IL20RA: variants seen among roughly 807,000 people sequenced by gnomAD.
The protein encoded by IL20RA is interleukin 20 receptor subunit alpha.
Under a neutral mutation model 36.5 loss-of-function variants are expected in IL20RA, and 29 were observed. That is an observed-to-expected ratio of 0.79 (90% CI 0.59 to 1.08). The LOEUF (loss-of-function observed/expected upper bound fraction) is 1.08. IL20RA is among the 50% of genes least tolerant of loss of function. IL20RA has a pLI of 0.00. For synonymous variants in IL20RA, 279 were observed against 267.1 expected (o/e 1.04, Z -0.43); for missense variants, 652 against 668.4 (o/e 0.98, Z 0.27).
intron 2 of IL20RA, among the ~76,000 whole-genome samples, chr6:137,012,944 GT>G (rs922145456): frequency 6.6e-6 from 1 of 151,966 alleles, no homozygotes; most frequent in African/African-American, 2.4e-5. Flanking sequence ...CTCCATCCAA[GT>G]GATCACTGTT....
At position 137,030,089 on chromosome 6, in the gene IL20RA, T is replaced by TTTTTTTC. The variant is rs1433163514; in HGVS notation, c.89-12987_89-12986insGAAAAAA. On this transcript the variant is annotated intron_variant, in intron 1 of 6. Transcript: ENST00000316649. The stretch of plus-strand genomic sequence containing the variant: ...TTGCGGGTTTTTTTTTTTTTTTTTT[T>TTTTTTTC]TTTTTTTTTGAGACAGGGTCTGACT... Among the ~76,000 whole-genome samples, 4 of 125,934 alleles carry TTTTTTTC rather than the reference T, an allele frequency of 3.2e-5. No homozygotes were observed. The East Asian group carries it at 7.0e-4, about 22-fold the overall frequency. 82.6% of individuals were successfully genotyped at this position (125,934 alleles called of 152,430 possible).
intron 1 of IL20RA, among the ~76,000 whole-genome samples, chr6:137,043,921 T>A (rs1045553103): frequency 6.6e-6 from 1 of 152,188 alleles, no homozygotes; most frequent in Non-Finnish European, 1.5e-5. Context: ...TGGATTCCAA[T>A]TGGTAGAGAA....
intron 5 of IL20RA, among the ~76,000 whole-genome samples, chr6:137,007,933 T>C (rs1206850884): frequency 6.6e-6 from 1 of 152,226 alleles, no homozygotes; most frequent in Non-Finnish European, 1.5e-5. Flanking sequence ...CTGATGTTCT[T>C]GAAGACCACA....
rs531501235 is a variant in IL20RA at position 137,004,159 on chromosome 6, C to CGTGTTTTTTTTTTT, written c.864+461_864+462insAAAAAAAAAAACAC. Among the ~76,000 whole-genome samples the CGTGTTTTTTTTTTT allele has an allele frequency of 3.4e-4, 30 of 88,010 alleles. 1 individual carries two copies. The highest frequency in any genetic ancestry group is 1.5e-3 in the African/African-American group (27 of 18,040). The allele number at this position is 88,010 out of a possible 152,430, so 57.7% of individuals were successfully genotyped here. On this transcript the variant is annotated intron_variant, in intron 6 of 6. Transcript: ENST00000316649. ...TCTGTTAGTCAGCTAATCCAGAAAG[C>CGTGTTTTTTTTTTT]TTTTTTTTTTTTTTTTTTTTTTTTT...
intron 6 of IL20RA, among the ~76,000 whole-genome samples, chr6:137,002,571 T>A (rs1775118153): frequency 6.6e-6 from 1 of 152,198 alleles, no homozygotes; most frequent in Non-Finnish European, 1.5e-5. Flanking sequence ...GAGAAGTGAT[T>A]CGCTGGGTGG....
intron 1 of IL20RA, among the ~76,000 whole-genome samples, chr6:137,024,175 G>A (rs1331175814): frequency 2.6e-5 from 4 of 152,096 alleles, no homozygotes; most frequent in South Asian, 2.1e-4. Flanking sequence ...AAAGAAATAC[G>A]ATTTGATAAC....
rs531501235 is a variant in IL20RA at position 137,004,159 on chromosome 6, C to CGTTTTTTTTTTTTTTTTTT, written c.864+461_864+462insAAAAAAAAAAAAAAAAAAC. On this transcript the variant is annotated intron_variant, in intron 6 of 6. Coordinates refer to ENST00000316649, the MANE Select transcript of IL20RA (RefSeq NM_014432.4). ...TCTGTTAGTCAGCTAATCCAGAAAGCTTTTTTTTTTTTTTTTTTTTTTTTT... is the reference window on the plus strand; with the variant it reads ...TCTGTTAGTCAGCTAATCCAGAAAGCGTTTTTTTTTTTTTTTTTTTTTTTTTTTTTTTTTTTTTTTTTTT... Among the ~76,000 whole-genome samples the CGTTTTTTTTTTTTTTTTTT allele has an allele frequency of 1.6e-4, 14 of 88,016 alleles. 6 individuals carry two copies. The highest frequency in any genetic ancestry group is 3.9e-4 in the Admixed American group (3 of 7,676). 57.7% of individuals were successfully genotyped at this position (88,016 alleles called of 152,430 possible). A position where few individuals can be genotyped will look rare whatever the true frequency, so the allele number is the denominator to read the frequency against.
intron 1 of IL20RA, among the ~76,000 whole-genome samples, chr6:137,023,433 G>C (rs904397285): frequency 2.0e-5 from 3 of 152,242 alleles, no homozygotes; most frequent in Admixed American, 2.0e-4. Context: ...GATTATATTT[G>C]AAATTCATGG....
intron 3 of IL20RA, among the ~76,000 whole-genome samples, 154 bp downstream of exon 3, chr6:137,011,120 G>C (rs1010087175): frequency 6.6e-6 from 1 of 152,108 alleles, no homozygotes; most frequent in African/African-American, 2.4e-5. Flanking sequence ...GAGCCAGCAA[G>C]GTTAAGGACT....
rs1465896750 is a variant in IL20RA at position 137,011,265 on chromosome 6, ATTAC to A, written c.403+5_403+8del. The A allele has an allele frequency of 2.5e-6, 4 of 1,597,780 alleles. No individual in the cohort carries two copies. Among genetic ancestry groups the A allele is most frequent in the South Asian group, 1.1e-5 (1 of 89,616 alleles). ...TTTAACTGACCATTGCAATAATGGCATTACTTACTTTCTAAAAAAGGATAGAACC... is the reference window on the plus strand; with the variant it reads ...TTTAACTGACCATTGCAATAATGGCATTACTTTCTAAAAAAGGATAGAACC... On this transcript the variant is annotated splice_donor_5th_base_variant and intron_variant, in intron 3 of 6. Transcript: ENST00000316649.
chr6:137,029,862 C>T (rs1776210878), intron 1 of IL20RA, among the ~76,000 whole-genome samples: 1 of 151,728 alleles, frequency 6.6e-6, no homozygotes, highest in African/African-American at 2.4e-5. Context: ...GCAATTCTTC[C>T]ACTAATATCT....
At position 137,044,787 on chromosome 6, in the gene IL20RA, T is replaced by A; in HGVS notation, c.-59A>T. On this transcript the variant is annotated 5_prime_UTR_variant, in exon 1 of 7. Coordinates refer to ENST00000316649, the MANE Select transcript of IL20RA (RefSeq NM_014432.4). Reference sequence around the variant, plus strand: ...GCAGACTGCTCAGTCCCACGCCCGCTGGGGCCAAGCGCGGCCGCGCGGCCT... The same window carrying A: ...GCAGACTGCTCAGTCCCACGCCCGCAGGGGCCAAGCGCGGCCGCGCGGCCT... 1 of 1,203,236 alleles carries A rather than the reference T, an allele frequency of 8.3e-7. No homozygotes were observed. The highest frequency in any genetic ancestry group is 3.3e-4 in the Middle Eastern group (1 of 3,056). The allele number at this position is 1,203,236 out of a possible 1,614,324, so 74.5% of individuals were successfully genotyped here.
intron 1 of IL20RA, among the ~76,000 whole-genome samples, chr6:137,021,438 G>A (rs1362782470): frequency 1.3e-5 from 2 of 151,230 alleles, no homozygotes; most frequent in African/African-American, 2.4e-5. Flanking sequence ...GCCAAGGCAG[G>A]TAGATCACTT....
chr6:137,012,266 T>C (rs1775527910), intron 2 of IL20RA, among the ~76,000 whole-genome samples: 1 of 152,054 alleles, frequency 6.6e-6, no homozygotes, highest in Non-Finnish European at 1.5e-5. Context: ...GTAGGATAAA[T>C]AAGGACAGGA....
chr6:137,039,266 T>C (rs1381681857), intron 1 of IL20RA, among the ~76,000 whole-genome samples: 1 of 151,952 alleles, frequency 6.6e-6, no homozygotes, highest in Non-Finnish European at 1.5e-5. Context: ...GCAGGAGGAG[T>C]GCACATTGTG....
chr6:137,044,628 G>A lies in IL20RA; in HGVS notation c.88+13C>T. 2 of 1,221,496 alleles carry A rather than the reference G, an allele frequency of 1.6e-6. No homozygotes were observed. Among genetic ancestry groups the A allele is most frequent in the South Asian group, 8.3e-5 (2 of 24,106 alleles). 75.7% of individuals were successfully genotyped at this position (1,221,496 alleles called of 1,614,324 possible). On this transcript the variant is annotated intron_variant, in intron 1 of 6. Transcript: ENST00000316649. ...GCATCCCCGACCCGCACCTGGCGGC[G>A]CGACCCACCTACCTGCCCGTCCCCA... is the stretch of plus-strand genomic sequence containing the variant.
intron 2 of IL20RA, among the ~76,000 whole-genome samples, chr6:137,013,065 A>T (rs922942522): frequency 6.6e-6 from 1 of 152,218 alleles, no homozygotes; most frequent in Non-Finnish European, 1.5e-5. Context: ...ACATATTAAA[A>T]CAAAAATTGT....
In IL20RA at chr6:137,001,797, G is replaced by A; in HGVS notation, c.1423C>T (p.Pro475Ser). The A allele has an allele frequency of 6.2e-7, 1 of 1,613,122 alleles. No homozygotes were observed. Among genetic ancestry groups the A allele is most frequent in the Non-Finnish European group, 8.5e-7 (1 of 1,179,392 alleles). Residue 475 changes from proline to serine, a missense_variant, in exon 7 of 7, where the codon CCA (proline) becomes TCA (serine). Physicochemically the swap from Pro to Ser is moderately conservative, Grantham distance 74. Transcript: ENST00000316649. ...TCCCAGTCGACCAGGGTCGTCGATG[G>A]CTCTTCCTCCGGCCCCTCCTCCGAG... is the stretch of plus-strand genomic sequence containing the variant. Reference protein sequence around the residue: ...TDSEEGPEEEPSTTLVDWDPQ... With the variant: ...TDSEEGPEEESSTTLVDWDPQ...
At chr6:137,040,770 A>C (rs1204395688) in intron 1 of IL20RA, among the ~76,000 whole-genome samples, 9 of 152,244 alleles carry the variant, frequency 5.9e-5, no homozygotes, top group Non-Finnish European at 7.3e-5. Context: ...CCAATGAATA[A>C]ATGTGGAAAA....
Sources: gnomAD v4.1 joint callset for allele counts (sites outside exome capture counted in the v4.1 genomes callset) on GRCh38, gnomAD v4.1.1 for gene constraint, MANE v1.5 for transcripts, NCBI Gene and HGNC (gene_info 2026-07-23, HGNC 2026-07-21) for gene names.